The following UBN1 variants were observed in gnomAD, a reference collection of about 807,000 sequenced individuals.
UBN1 encodes ubinuclein-1.
In UBN1, 17 loss-of-function variants were observed where a neutral mutation model predicts 108.5. That is an observed-to-expected ratio of 0.16 (90% CI 0.11 to 0.24). The LOEUF (loss-of-function observed/expected upper bound fraction) is 0.24. Ranked by LOEUF, UBN1 falls within the 10% of genes least tolerant of loss-of-function variation. The pLI is 1.00. For missense variants in UBN1, 1,595 were observed against 1,394.4 expected (o/e 1.14, Z -2.29); for synonymous variants, 726 against 564.2 (o/e 1.29, Z -4.07).
rs539254718 is a variant in UBN1, at chr16:4,868,980, G to T, written c.1181+77G>T. ...CTTGGGGCAAGCCAGCTAGGGGACA[G>T]TGGGAGTACAATTGAACTGCATAAA... On this transcript the variant is annotated intron_variant, in intron 8 of 17. Transcript: ENST00000262376. 9.6e-5 allele frequency: 143 copies of T among 1,493,796 alleles called. 1 individual carries two copies. The African/African-American group carries it at 1.8e-3, about 19-fold the overall frequency. The allele number at this position is 1,493,796 out of a possible 1,614,324, so 92.5% of individuals were successfully genotyped here. A position where few individuals can be genotyped will look rare whatever the true frequency, so the allele number is the denominator to read the frequency against.
intron 2 of UBN1, among the ~76,000 whole-genome samples, chr16:4,854,755 C>A (rs1018169202): frequency 3.3e-5 from 5 of 151,536 alleles, no homozygotes; most frequent in African/African-American, 9.7e-5. Flanking sequence ...CAGAGTCTCG[C>A]TCTGTCGCCC....
In UBN1 at chr16:4,874,183, AAACATC is replaced by A. The variant is rs779508775; in HGVS notation, c.1801-22_1801-17del. 4 of 1,520,628 alleles carry A rather than the reference AAACATC, an allele frequency of 2.6e-6. No individual in the cohort carries two copies. The African/African-American group carries it at 5.6e-5, about 21-fold the overall frequency. The allele number at this position is 1,520,628 out of a possible 1,614,324, so 94.2% of individuals were successfully genotyped here. A position where few individuals can be genotyped will look rare whatever the true frequency, so the allele number is the denominator to read the frequency against. On this transcript the variant is annotated intron_variant, in intron 14 of 17. Coordinates refer to ENST00000262376, the MANE Select transcript of UBN1 (RefSeq NM_001079514.3). ...AATGTTGGCATCTTTGGACCTTTCT[AAACATC>A]AACATTTCTGTTTTCCTTTAGGAAT... is the stretch of plus-strand genomic sequence containing the variant.
intron 17 of UBN1, among the ~76,000 whole-genome samples, chr16:4,879,102 G>A (rs1479509527): frequency 2.6e-5 from 4 of 152,198 alleles, no homozygotes; most frequent in African/African-American, 7.2e-5. Context: ...CTATACCACT[G>A]TAGGGTGACT....
At chr16:4,865,161 A>T (rs1453797071) in intron 7 of UBN1, among the ~76,000 whole-genome samples, 7 of 152,002 alleles carry the variant, frequency 4.6e-5, no homozygotes, top group Non-Finnish European at 7.4e-5. Context: ...TTATTTTTGG[A>T]AGACTATCAG....
Position 4,877,885 on chromosome 16 carries a change from C to T in UBN1, c.3355+411C>T. 1.1e-6 allele frequency: 1 copy of T among 951,506 alleles called. No individual in the cohort carries two copies. The highest frequency in any genetic ancestry group is 1.3e-6 in the Non-Finnish European group (1 of 797,692). The allele number at this position is 951,506 out of a possible 1,614,324, so 58.9% of individuals were successfully genotyped here. On this transcript the variant is annotated intron_variant, in intron 17 of 17. Transcript: ENST00000262376. The surrounding 1 kb of genome is among the most constrained non-coding windows in gnomAD (Gnocchi z 4.3). ...AGGTCTTGGAATGCAAGCTGCTCCA[C>T]TGTCAGATGTGATTGCTTAACAGAA...
chr16:4,859,875 T>C lies in UBN1; in HGVS notation c.578T>C (p.Leu193Ser), dbSNP rs771941344. The C allele has an allele frequency of 2.6e-5, 42 of 1,613,786 alleles. No individual in the cohort carries two copies. The highest frequency in any genetic ancestry group is 3.4e-5 in the Non-Finnish European group (40 of 1,179,950). Residue 193 changes from leucine to serine, a missense_variant, in exon 6 of 18, where the codon TTG becomes TCG. Physicochemically the swap from Leu to Ser is moderately radical, Grantham distance 145 (BLOSUM62 -2). Transcript: ENST00000262376. ...KKKKSPKKRK[L>S]KEGGEKIKKK... is the part of the protein sequence containing the mutation. Reference sequence around the variant, plus strand: ...GTCTTTAATTCTCAGAAGCGGAAGTTGAAGGAAGGTGGTGAGAAGATAAAG... The same window carrying C: ...GTCTTTAATTCTCAGAAGCGGAAGTCGAAGGAAGGTGGTGAGAAGATAAAG...
rs2088066410 is a variant in UBN1, at chr16:4,881,198, A to G, written c.*1066A>G. The stretch of plus-strand genomic sequence containing the variant: ...GTCACAGATAGACATTCCAGTTTGT[A>G]TTCTTAGGAATCATTCTTAGGCAGT... On this transcript the variant is annotated 3_prime_UTR_variant, in exon 18 of 18. Transcript: ENST00000262376. The G allele has an allele frequency of 6.6e-6, 1 of 152,618 alleles. No individual in the cohort carries two copies. The allele number at this position is 152,618 out of a possible 1,614,324, so 9.5% of individuals were successfully genotyped here.
At chr16:4,848,753 T>A (rs1670505910) in intron 1 of UBN1, among the ~76,000 whole-genome samples, 1 of 152,228 alleles carries the variant, frequency 6.6e-6, no homozygotes, top group South Asian at 2.1e-4. Flanking sequence ...AAGTTCCTGT[T>A]TAAAAATTCT....
chr16:4,849,108 A>G (rs970648352), intron 1 of UBN1, among the ~76,000 whole-genome samples: 4 of 152,130 alleles, frequency 2.6e-5, no homozygotes, highest in African/African-American at 9.7e-5. Flanking sequence ...TCCCCCCGCC[A>G]AAAAGAAAAA....
intron 2 of UBN1, among the ~76,000 whole-genome samples, chr16:4,855,192 A>C (rs1318643016): frequency 6.6e-6 from 1 of 152,188 alleles, no homozygotes; most frequent in Non-Finnish European, 1.5e-5. Context: ...AACGAGAATG[A>C]AATCATGTTG....
At chr16:4,859,793 G>A (rs2086975933) in intron 5 of UBN1, 72 bp from the exon 6 acceptor site, 6 of 1,599,610 alleles carry the variant, frequency 3.8e-6, no homozygotes, top group Admixed American at 1.7e-5. Context: ...GCGGAGCAAG[G>A]CCAGTGCCGT....
chr16:4,854,340 T>TTTGTTG (rs35003213), intron 2 of UBN1, among the ~76,000 whole-genome samples: 6 of 148,536 alleles, frequency 4.0e-5, no homozygotes, highest in South Asian at 4.3e-4. Flanking sequence ...GCCTCTCTTT[T>TTTGTTG]TTGTTGTTGT....
chr16:4,858,041 G>A lies in UBN1; in HGVS notation c.301G>A (p.Val101Ile). ...FNDEEKERHK[V>I]EALARKFEEK... Reference sequence around the variant, plus strand: ...TGACGAAGAAAAGGAAAGGCATAAAGTAGAGGCCCTTGCCCGAAAATTTGA... The same window carrying A: ...TGACGAAGAAAAGGAAAGGCATAAAATAGAGGCCCTTGCCCGAAAATTTGA... The change falls in exon 3 of 18, where the codon GTA (valine) becomes ATA (isoleucine). Residue 101 changes from valine to isoleucine, a missense_variant. By Grantham distance (29) the Val-to-Ile change is conservative. This residue lies in a region of UBN1 where 181 missense variants were observed against 157.3 expected (regional missense o/e 1.15). Transcript: ENST00000262376. 6.2e-7 allele frequency: 1 copy of A among 1,613,602 alleles called. No individual in the cohort carries two copies. Among genetic ancestry groups the A allele is most frequent in the Non-Finnish European group, 8.5e-7 (1 of 1,179,886 alleles).
intron 2 of UBN1, among the ~76,000 whole-genome samples, chr16:4,854,450 T>A (rs181822190): frequency 6.6e-6 from 1 of 150,834 alleles, no homozygotes; most frequent in East Asian, 1.9e-4. Flanking sequence ...TTCAAATGTT[T>A]CTCCTGCCTC....
At position 4,874,815 on chromosome 16, in the gene UBN1, C is replaced by G; in HGVS notation, c.2405C>G (p.Pro802Arg). The G allele has an allele frequency of 6.2e-7, 1 of 1,614,110 alleles. No homozygotes were observed. The highest frequency in any genetic ancestry group is 8.5e-7 in the Non-Finnish European group (1 of 1,180,038). ...GPQVAVPVPG[P>R]QVKVFHAGTQ... ...CAAGTGGCAGTTCCTGTGCCTGGCC[C>G]CCAGGTCAAAGTCTTTCATGCCGGC... is the stretch of plus-strand genomic sequence containing the variant. The change falls in exon 15 of 18, where the codon CCC becomes CGC. Residue 802 changes from proline (P) to arginine (R), a missense_variant. Physicochemically the swap from Pro to Arg is moderately radical, Grantham distance 103. Coordinates refer to ENST00000262376, the MANE Select transcript of UBN1 (RefSeq NM_001079514.3).
At chr16:4,867,172 G>T (rs935865206) in intron 7 of UBN1, among the ~76,000 whole-genome samples, 4 of 152,200 alleles carry the variant, frequency 2.6e-5, no homozygotes, top group African/African-American at 9.7e-5. Context: ...AGAAGGGAGT[G>T]GCGGTCTTAA....
Position 4,853,043 on chromosome 16 carries a change from A to G in UBN1, c.126A>G (p.Ala42=), listed in dbSNP as rs1190199486. 14 of 1,614,126 alleles carry G rather than the reference A, an allele frequency of 8.7e-6. No individual in the cohort carries two copies. Among genetic ancestry groups the G allele is most frequent in the Non-Finnish European group, 1.1e-5 (13 of 1,180,058 alleles). The change falls in exon 2 of 18, where the codon GCA becomes GCG. Residue 42 remains alanine, a synonymous_variant. Transcript: ENST00000262376. Reference sequence around the variant, plus strand: ...AGCATCAGGACTGTGAGCCGGCTGCAGCAGCTGTTCGGATTACACTCACCC... The same window carrying G: ...AGCATCAGGACTGTGAGCCGGCTGCGGCAGCTGTTCGGATTACACTCACCC... The part of the protein sequence containing the change: ...GEQHQDCEPA[A]AAVRITLTLF...
In UBN1 at chr16:4,876,931, T is replaced by C. The variant is rs376623732; in HGVS notation, c.3085T>C (p.Ser1029Pro). The C allele has an allele frequency of 5.0e-5, 81 of 1,613,978 alleles. No individual in the cohort carries two copies. The highest frequency in any genetic ancestry group is 6.6e-5 in the Non-Finnish European group (78 of 1,179,998). ...GSSLMASPYK[S>P]SSPKLSGAMS... ...CTCTTTGATGGCTTCACCCTACAAA[T>C]CCAGCAGCCCAAAGCTGTCTGGGGC... The change falls in exon 16 of 18, where the codon TCC becomes CCC. Residue 1029 changes from serine to proline, a missense_variant. Coordinates refer to ENST00000262376, the MANE Select transcript of UBN1 (RefSeq NM_001079514.3).
chr16:4,879,517 A>T (rs1184738864), intron 17 of UBN1, among the ~76,000 whole-genome samples: 4 of 151,862 alleles, frequency 2.6e-5, no homozygotes, highest in African/African-American at 9.7e-5. Context: ...AAGCAACTAT[A>T]CCAAAACAGG....
Sources: gnomAD v4.1 joint callset for allele counts (sites outside exome capture counted in the v4.1 genomes callset) on GRCh38, gnomAD v4.1.1 for gene constraint, gnomAD v4.1.1 regional missense constraint, Gnocchi (gnomAD v3.1) non-coding constraint, MANE v1.5 for transcripts, NCBI Gene and HGNC (gene_info 2026-07-23, HGNC 2026-07-21) for gene names.